MACROD2: variants seen among roughly 807,000 people sequenced by gnomAD.
MACROD2 encodes the protein ADP-ribose glycohydrolase MACROD2.
Under a neutral mutation model 70.4 loss-of-function variants are expected in MACROD2, and 36 were observed. The ratio of observed to expected loss-of-function variants is 0.51; its 90% CI spans 0.39 to 0.68. The LOEUF is 0.68. Among genes scored for constraint, MACROD2 ranks in the 30% least tolerant of loss-of-function variants. The probability of loss-of-function intolerance (pLI) is 0.00; values close to 1 mark genes in which losing one functional copy is unlikely to be tolerated. For missense variants in MACROD2, 496 were observed against 538.4 expected, an observed-to-expected ratio of 0.92 and a Z score of 0.78; for synonymous variants, 172 against 178.8, an observed-to-expected ratio of 0.96 and a Z score of 0.30.
chr20:14,573,567 G>A (rs1167201122), intron 4 of MACROD2, among the ~76,000 whole-genome samples: 1 of 116,566 alleles, frequency 8.6e-6, no homozygotes, highest in Non-Finnish European at 1.9e-5. Flanking sequence ...AGGCCTTAGA[G>A]AAAAGATATT....
At chr20:14,677,500 A>G (rs894302870) in intron 4 of MACROD2, among the ~76,000 whole-genome samples, 1 of 152,212 alleles carries the variant, frequency 6.6e-6, no homozygotes, top group African/African-American at 2.4e-5. Context: ...TCAGGGAGTC[A>G]AAATCCTTGC....
chr20:13,995,751 C>G lies in MACROD2; in HGVS notation c.-13C>G, dbSNP rs2052628327. 3 of 1,612,532 alleles carry G rather than the reference C, an allele frequency of 1.9e-6. No homozygotes were observed. The East Asian group carries it at 6.7e-5, about 36-fold the overall frequency. ...GGAACTTGCAGCTTAAAGCCAGCCA[C>G]CCCCACGGCAACATGTACCCCAGCA... is the stretch of plus-strand genomic sequence containing the variant. On this transcript the variant is annotated 5_prime_UTR_variant, in exon 1 of 18. Transcript: ENST00000684519. This position sits in a 1 kb window ranked among gnomAD's most constrained non-coding sequence, Gnocchi z 4.3.
At chr20:15,642,957 T>C (rs1241718573) in intron 8 of MACROD2, among the ~76,000 whole-genome samples, 3 of 152,188 alleles carry the variant, frequency 2.0e-5, no homozygotes, top group African/African-American at 7.2e-5. Flanking sequence ...GCATGGGCCC[T>C]TATAAAGTCA....
At chr20:14,944,270 A>G (rs968981647) in intron 5 of MACROD2, among the ~76,000 whole-genome samples, 1 of 152,188 alleles carries the variant, frequency 6.6e-6, no homozygotes, top group Non-Finnish European at 1.5e-5. Context: ...GAGTGAAGAA[A>G]GGAAAACTGG....
At chr20:15,327,706 A>G (rs1401937755) in intron 6 of MACROD2, among the ~76,000 whole-genome samples, 1 of 152,070 alleles carries the variant, frequency 6.6e-6, no homozygotes, top group Non-Finnish European at 1.5e-5. Context: ...TAGCCAAACT[A>G]TATCACTGCC....
intron 4 of MACROD2, among the ~76,000 whole-genome samples, chr20:14,560,172 T>C (rs1440515270): frequency 6.6e-6 from 1 of 151,808 alleles, no homozygotes; most frequent in African/African-American, 2.4e-5. Flanking sequence ...AGAGACCTTT[T>C]AAAAGTAAGA....
In MACROD2 at chr20:13,996,814, T is replaced by A. The variant is rs543763376; in HGVS notation, c.46+1005T>A. ...TTGCACTCCTATTGCTAAAATAAAC[T>A]AAAACCTGTATAGCAAGGGTGAGGT... On this transcript the variant is annotated intron_variant, in intron 1 of 17. Transcript: ENST00000684519. 2.5e-4 allele frequency among the ~76,000 whole-genome samples: 38 copies of A among 152,312 alleles called. No homozygotes were observed. In the South Asian group the frequency reaches 4.8e-3, roughly 19 times the overall value.
intron 6 of MACROD2, among the ~76,000 whole-genome samples, chr20:15,369,563 A>T (rs2146259622): frequency 1.3e-5 from 2 of 152,306 alleles, no homozygotes; most frequent in South Asian, 4.1e-4. Flanking sequence ...TTAAATTACA[A>T]AGAAATTCCT....
At chr20:14,536,820 A>C (rs2085372499) in intron 4 of MACROD2, among the ~76,000 whole-genome samples, 1 of 152,240 alleles carries the variant, frequency 6.6e-6, no homozygotes, top group African/African-American at 2.4e-5. Context: ...CTTGGTGCCC[A>C]TCTGCAGTAA....
chr20:15,435,137 A>G (rs2046411841), intron 7 of MACROD2, among the ~76,000 whole-genome samples: 1 of 152,150 alleles, frequency 6.6e-6, no homozygotes, highest in African/African-American at 2.4e-5. Context: ...TTTTGCATGT[A>G]ACCAAAAACC....
At chr20:14,473,019 T>A (rs2123050947) in intron 3 of MACROD2, among the ~76,000 whole-genome samples, 1 of 152,328 alleles carries the variant, frequency 6.6e-6, no homozygotes, top group African/African-American at 2.4e-5. Context: ...TTTATATTTT[T>A]AAAAGTTTTA....
At chr20:15,155,573 G>A (rs2076301387) in intron 5 of MACROD2, among the ~76,000 whole-genome samples, 1 of 152,166 alleles carries the variant, frequency 6.6e-6, no homozygotes. Context: ...GTCAGGCTGA[G>A]TGAGGTGAGC....
intron 15 of MACROD2, among the ~76,000 whole-genome samples, chr20:16,025,790 G>A (rs1211900640): frequency 6.6e-6 from 1 of 152,040 alleles, no homozygotes; most frequent in African/African-American, 2.4e-5. Flanking sequence ...CTAACCACAG[G>A]GATAAGAGAT....
chr20:14,099,691 G>T (rs1434658316), intron 3 of MACROD2, among the ~76,000 whole-genome samples: 1 of 152,098 alleles, frequency 6.6e-6, no homozygotes, highest in Admixed American at 6.6e-5. Context: ...ATTTGTGTTG[G>T]ATCTATATCT....
chr20:16,030,573 T>C (rs913793348), intron 15 of MACROD2, among the ~76,000 whole-genome samples: 2 of 152,180 alleles, frequency 1.3e-5, no homozygotes, highest in African/African-American at 4.8e-5. Context: ...CCAAATTCCC[T>C]GCAATGACCA....
intron 3 of MACROD2, among the ~76,000 whole-genome samples, chr20:14,199,369 G>GAAGAAGTTGGAATC (rs1226956425): frequency 6.6e-6 from 1 of 152,206 alleles, no homozygotes; most frequent in East Asian, 1.9e-4. Context: ...TGTAAAAAAT[G>GAAGAAGTTGGAATC]TTTCAGGAAG....
chr20:15,053,677 A>AT (rs1233056216), intron 5 of MACROD2, among the ~76,000 whole-genome samples: 1 of 152,340 alleles, frequency 6.6e-6, no homozygotes, highest in African/African-American at 2.4e-5. Flanking sequence ...ATGCCTGCTA[A>AT]TACAACATTC....
chr20:14,006,269 G>A (rs1031975301), intron 2 of MACROD2, among the ~76,000 whole-genome samples: 7 of 152,214 alleles, frequency 4.6e-5, no homozygotes, highest in East Asian at 1.9e-4. Flanking sequence ...TTCTCAGAAC[G>A]TATTCCATTG....
chr20:15,759,576 A>G (rs908599748), intron 8 of MACROD2, among the ~76,000 whole-genome samples: 3 of 152,158 alleles, frequency 2.0e-5, no homozygotes, highest in Admixed American at 6.5e-5. Context: ...CTATTTCCCA[A>G]ATTGCGCCTG....
Sources: allele counts gnomAD v4.1 joint callset (sites outside exome capture counted in the v4.1 genomes callset), GRCh38; gene constraint gnomAD v4.1.1; non-coding constraint Gnocchi (gnomAD v3.1); transcripts MANE v1.5; gene names NCBI Gene and HGNC (gene_info 2026-07-23, HGNC 2026-07-21).